Variants in C3orf52 observed in about 807,000 individuals in gnomAD.
The protein encoded by C3orf52 is TPA-induced transmembrane protein.
C3orf52 carries 22 observed loss-of-function variants against 24.8 expected under a neutral mutation model. The observed-to-expected ratio is 0.89, with a 90% CI of 0.63 to 1.27. The LOEUF is 1.27. Among genes scored for constraint, C3orf52 ranks in the 50% most tolerant of loss-of-function variants. The probability of loss-of-function intolerance (pLI) is 0.00; values close to 1 mark genes in which losing one functional copy is unlikely to be tolerated. For missense variants in C3orf52, 265 were observed against 260.7 expected, an observed-to-expected ratio of 1.02 and a Z score of -0.11; for synonymous variants, 93 against 100.2, an observed-to-expected ratio of 0.93 and a Z score of 0.43.
downstream of C3orf52, chr3:112,130,519 A>G (rs942152589): frequency 8.7e-6 from 14 of 1,613,270 alleles, no homozygotes; most frequent in South Asian, 3.3e-5. Context: ...GCCGCCTGAA[A>G]CTCAACATAT....
At chr3:112,093,633 G>A in intron 2 of C3orf52, 144 bp downstream of exon 2, 1 of 740,568 alleles carries the variant, frequency 1.4e-6, no homozygotes, top group East Asian at 2.9e-5. Flanking sequence ...TATTGTATGG[G>A]TGGGAGATAT....
downstream of C3orf52, chr3:112,130,567 C>T (rs550481923): frequency 4.7e-6 from 7 of 1,493,070 alleles, no homozygotes; most frequent in South Asian, 6.8e-5. Flanking sequence ...AGGCCTGTCA[C>T]TTCTTTTCAT....
At chr3:112,119,424 CA>C (rs1237170784), downstream of C3orf52, 2 of 701,142 alleles carry the variant, frequency 2.9e-6, no homozygotes, top group East Asian at 5.4e-5. Context: ...TGCGGGTGGT[CA>C]GAGAAAAGAG....
Position 112,113,131 on chromosome 3 carries a change from C to G in C3orf52, c.635C>G (p.Ser212Cys). The G allele has an allele frequency of 1.2e-6, 2 of 1,606,548 alleles. No homozygotes were observed. Among genetic ancestry groups the G allele is most frequent in the Non-Finnish European group, 1.7e-6 (2 of 1,176,734 alleles). Residue 212 changes from serine to cysteine, a missense_variant, in exon 5 of 6, where the codon TCC becomes TGC. Coordinates refer to ENST00000264848, the MANE Select transcript of C3orf52 (RefSeq NM_024616.3). ...GCESLGLDPTSLLLYE is the reference protein window; with the variant it reads ...GCESLGLDPTCLLLYE ...GAGAGTCTGGGGCTTGATCCAACATCCCTCTTGCTCTATGGTAAGTAGAGC... is the reference window on the plus strand; with the variant it reads ...GAGAGTCTGGGGCTTGATCCAACATGCCTCTTGCTCTATGGTAAGTAGAGC...
At chr3:112,092,791 A>G (rs1040454916) in intron 1 of C3orf52, among the ~76,000 whole-genome samples, 4 of 151,786 alleles carry the variant, frequency 2.6e-5, no homozygotes, top group Admixed American at 6.6e-5. Flanking sequence ...CCTTTTTTAC[A>G]TAGAACCTAG....
At chr3:112,118,426 C>T (rs2074158292), downstream of C3orf52, among the ~76,000 whole-genome samples, 1 of 152,146 alleles carries the variant, frequency 6.6e-6, no homozygotes, top group African/African-American at 2.4e-5. Flanking sequence ...TCTCTGAGGC[C>T]CTCTCTGGCA....
chr3:112,097,646 C>A (rs575338733), intron 2 of C3orf52, among the ~76,000 whole-genome samples: 1 of 152,292 alleles, frequency 6.6e-6, no homozygotes, highest in Non-Finnish European at 1.5e-5. Flanking sequence ...AGGCAGACAG[C>A]ATTAACAAGC....
intron 3 of C3orf52, among the ~76,000 whole-genome samples, chr3:112,107,615 T>C (rs554276255): frequency 2.0e-5 from 3 of 152,242 alleles, no homozygotes; most frequent in African/African-American, 2.4e-5. Context: ...TGGTTTTTAG[T>C]GTTCATAACA....
chr3:112,112,447 G>C (rs1576148415), intron 4 of C3orf52: 1 of 162,748 alleles, frequency 6.1e-6, no homozygotes, highest in Non-Finnish European at 1.4e-5. Context: ...AGAAGTTCTG[G>C]ACCCAGCCAA....
chr3:112,108,713 T>A (rs147320122), intron 3 of C3orf52, among the ~76,000 whole-genome samples: 148 of 152,278 alleles, frequency 9.7e-4, no homozygotes, highest in African/African-American at 3.4e-3. Context: ...AAAAGGCAAG[T>A]TTTAGAAGAT....
chr3:112,102,981 A>G lies in C3orf52; in HGVS notation c.396+16A>G, dbSNP rs2073988382. 1 of 1,610,656 alleles carries G rather than the reference A, an allele frequency of 6.2e-7. No homozygotes were observed. ...CACCGAAAGGGTAATTCCATCTTATATATTGCCTAAGGAGTTCTTGACATT... is the reference window on the plus strand; with the variant it reads ...CACCGAAAGGGTAATTCCATCTTATGTATTGCCTAAGGAGTTCTTGACATT... On this transcript the variant is annotated intron_variant, in intron 3 of 5. Coordinates refer to ENST00000264848, the MANE Select transcript of C3orf52 (RefSeq NM_024616.3).
chr3:112,101,467 T>C (rs2073971351), intron 2 of C3orf52, among the ~76,000 whole-genome samples: 1 of 152,046 alleles, frequency 6.6e-6, no homozygotes, highest in South Asian at 2.1e-4. Context: ...GCACTAAAAA[T>C]CCAGACTCCC....
intron 1 of C3orf52, among the ~76,000 whole-genome samples, chr3:112,091,091 G>T (rs532507429): frequency 2.6e-5 from 4 of 152,134 alleles, no homozygotes; most frequent in Non-Finnish European, 4.4e-5. Context: ...TGCTCCCCTC[G>T]CACCTCTGAC....
intron 3 of C3orf52, among the ~76,000 whole-genome samples, chr3:112,104,402 A>G (rs559829317): frequency 6.6e-6 from 1 of 152,288 alleles, no homozygotes; most frequent in South Asian, 2.1e-4. Context: ...GCTAGGTTGA[A>G]TGGAGTGAGT....
chr3:112,128,357 A>G lies in C3orf52; in HGVS notation c.*171A>G. The G allele has an allele frequency of 1.6e-5, 9 of 546,408 alleles. 1 individual carries two copies. The highest frequency in any genetic ancestry group is 1.6e-4 in the South Asian group (9 of 56,638). 33.8% of individuals were successfully genotyped at this position (546,408 alleles called of 1,614,324 possible). ...CCTTGGTTCCCTTGTAATGAAGAAC[A>G]CGTAAGTGTTATCCCCAGGAAATCA... On this transcript the variant is annotated 3_prime_UTR_variant, in exon 5 of 5. Transcript: ENST00000480282.
At chr3:112,103,173 T>C (rs1439698602) in intron 3 of C3orf52, among the ~76,000 whole-genome samples, 2 of 152,056 alleles carry the variant, frequency 1.3e-5, no homozygotes, top group African/African-American at 4.8e-5. Context: ...TGAGAACACA[T>C]GGACACGAAG....
intron 4 of C3orf52, 172 bp downstream of exon 4, chr3:112,109,785 A>T: frequency 2.1e-6 from 1 of 480,210 alleles, no homozygotes; most frequent in Non-Finnish European, 3.8e-6. Context: ...AACAGGCTCA[A>T]CTCCCTTATT....
intron 4 of C3orf52, among the ~76,000 whole-genome samples, chr3:112,126,281 G>A (rs1289214804): frequency 1.3e-5 from 2 of 152,088 alleles, no homozygotes; most frequent in East Asian, 1.9e-4. Flanking sequence ...AAATGAATTA[G>A]GTTCTCCTCT....
Position 112,090,623 on chromosome 3 carries a change from C to T in C3orf52, c.139-2737C>T, listed in dbSNP as rs369702853. The stretch of plus-strand genomic sequence containing the variant: ...AGGAAGAGGCATTTCCTATAGATGA[C>T]GGCTGTAAAATTTTAAGCTGAGTTC... On this transcript the variant is annotated intron_variant, in intron 1 of 5. Coordinates refer to ENST00000264848, the MANE Select transcript of C3orf52 (RefSeq NM_024616.3). Among the ~76,000 whole-genome samples the T allele has an allele frequency of 6.6e-5, 10 of 151,998 alleles. No homozygotes were observed. In the East Asian group the frequency reaches 7.7e-4, roughly 12 times the overall value.
Sources: allele counts gnomAD v4.1 joint callset (sites outside exome capture counted in the v4.1 genomes callset), GRCh38; gene constraint gnomAD v4.1.1; transcripts MANE v1.5; gene names NCBI Gene and HGNC (gene_info 2026-07-23, HGNC 2026-07-21).